C16orf96: variants seen among roughly 807,000 people sequenced by gnomAD.
C16orf96 encodes the protein uncharacterized protein C16orf96.
A neutral mutation model predicts 103.6 loss-of-function variants in C16orf96; 108 were observed. The ratio of observed to expected loss-of-function variants is 1.04; its 90% CI spans 0.89 to 1.22. The LOEUF (loss-of-function observed/expected upper bound fraction) is 1.22, where lower values mean the gene tolerates loss of function less well. Among genes scored for constraint, C16orf96 ranks in the 50% most tolerant of loss-of-function variants. The probability of loss-of-function intolerance (pLI) is 0.00; values close to 1 mark genes in which losing one functional copy is unlikely to be tolerated. For synonymous variants in C16orf96, 566 were observed against 593.5 expected (o/e 0.95, Z 0.67); for missense variants, 1,586 against 1,464.2 (o/e 1.08, Z -1.36).
Position 4,597,853 on chromosome 16 carries a change from G to A in C16orf96, c.3128-1431G>A, listed in dbSNP as rs564495313. On this transcript the variant is annotated intron_variant, in intron 14 of 15. Transcript: ENST00000444310. The stretch of plus-strand genomic sequence containing the variant: ...ATTACAGGTGTGAGCCACTGCGCCC[G>A]GCCTCATGTAACTTATTGACTACTA... 2.4e-3 allele frequency among the ~76,000 whole-genome samples: 362 copies of A among 152,138 alleles called. 3 individuals are homozygous for A. Among genetic ancestry groups the A allele is most frequent in the Non-Finnish European group, 4.4e-3 (298 of 67,992 alleles).
chr16:4,560,617 CT>C (rs2059319845), intron 1 of C16orf96: 1 of 152,032 alleles, frequency 6.6e-6, no homozygotes, highest in Admixed American at 6.6e-5. Context: ...GACCTAACTA[CT>C]ATATGAGGTT....
chr16:4,584,788 C>G lies in C16orf96; in HGVS notation c.2353-2251C>G, dbSNP rs1225444012. 3.3e-5 allele frequency among the ~76,000 whole-genome samples: 5 copies of G among 152,244 alleles called. No homozygotes were observed. In the East Asian group the frequency reaches 9.7e-4, roughly 29 times the overall value. ...ACCTCAGGTGATTTGCCTGCCTCGG[C>G]CTCCCAAAGTGCTGGGATTACAGGC... is the stretch of plus-strand genomic sequence containing the variant. On this transcript the variant is annotated intron_variant, in intron 7 of 15. Transcript: ENST00000444310.
intron 2 of C16orf96, among the ~76,000 whole-genome samples, chr16:4,574,267 G>A (rs1178663933): frequency 2.0e-5 from 3 of 152,000 alleles, no homozygotes; most frequent in African/African-American, 7.3e-5. Context: ...CTGTTGCCCA[G>A]GCTGGAGTGC....
Position 4,556,660 on chromosome 16 carries a change from G to C in C16orf96, c.171G>C (p.Gln57His), listed in dbSNP as rs1472344339. 2 of 1,551,626 alleles carry C rather than the reference G, an allele frequency of 1.3e-6. No homozygotes were observed. Among genetic ancestry groups the C allele is most frequent in the South Asian group, 2.4e-5 (2 of 84,064 alleles). Residue 57 changes from glutamine (Q) to histidine (H), a missense_variant, in exon 1 of 16, where the codon CAG (glutamine) becomes CAC (histidine). Gln to His is a conservative substitution (Grantham distance 24, BLOSUM62 0). Coordinates refer to ENST00000444310, the MANE Select transcript of C16orf96 (RefSeq NM_001145011.2). ...SGDEDFLQTS[Q>H]VVIMPREGDA... ...ATGAGGACTTCCTGCAGACCTCGCA[G>C]GTGGTCATCATGCCCAGGGAAGGAG...
In C16orf96 at chr16:4,556,377, C is replaced by A; in HGVS notation, c.-113C>A. 1 of 1,136,240 alleles carries A rather than the reference C, an allele frequency of 8.8e-7. No homozygotes were observed. The highest frequency in any genetic ancestry group is 1.7e-5 in the South Asian group (1 of 57,974). 70.4% of individuals were successfully genotyped at this position (1,136,240 alleles called of 1,614,324 possible). A position where few individuals can be genotyped will look rare whatever the true frequency, so the allele number is the denominator to read the frequency against. On this transcript the variant is annotated 5_prime_UTR_variant, in exon 1 of 16. Transcript: ENST00000444310. ...ATTCCTCCCTGACTGCTGTGACTCA[C>A]CACCACCCCAGGCCTCTGAGGACCA...
At chr16:4,545,685 A>G in the C16orf96 span, among the ~76,000 whole-genome samples, 3 of 152,130 alleles carry the variant, frequency 2.0e-5, no homozygotes, top group Non-Finnish European at 2.9e-5. Context: ...ATCCACCAAC[A>G]GCACCCACCT....
intron 1 of C16orf96, among the ~76,000 whole-genome samples, chr16:4,557,931 A>G (rs2059283701): frequency 6.6e-6 from 1 of 152,152 alleles, no homozygotes; most frequent in Admixed American, 6.6e-5. Flanking sequence ...TGGCCTCCCA[A>G]AGTGCTGGGA....
At chr16:4,562,981 C>T (rs1038465263) in intron 1 of C16orf96, 8 of 1,230,350 alleles carry the variant, frequency 6.5e-6, no homozygotes, top group East Asian at 2.4e-5. Context: ...TGAACGCCAA[C>T]GTACCTCATT....
intron 1 of C16orf96, among the ~76,000 whole-genome samples, chr16:4,567,687 G>T (rs1190263332): frequency 6.2e-4 from 70 of 113,702 alleles, no homozygotes; most frequent in Non-Finnish European, 9.9e-4. Flanking sequence ...AGTTTCTTCT[G>T]TTGCCTTTTT....
At position 4,576,249 on chromosome 16, in the gene C16orf96, A is replaced by C. The variant is rs1417257888; in HGVS notation, c.1769A>C (p.Lys590Thr). 1 of 1,550,784 alleles carries C rather than the reference A, an allele frequency of 6.4e-7. No homozygotes were observed. The highest frequency in any genetic ancestry group is 2.0e-5 in the Admixed American group (1 of 50,998). ...ACATCCTCCGCTGCCCAGGCAGCCA[A>C]AGTTGCTGCCAAGTTTGTCAAGGAT... ...AATSSAAQAA[K>T]VAAKFVKDAP... The change falls in exon 5 of 16, where the codon AAA becomes ACA. Residue 590 changes from lysine to threonine, a missense_variant. By Grantham distance (78) the Lys-to-Thr change is moderately conservative. Coordinates refer to ENST00000444310, the MANE Select transcript of C16orf96 (RefSeq NM_001145011.2).
chr16:4,580,260 A>G, intron 7 of C16orf96, 135 bp downstream of exon 7: 1 of 579,048 alleles, frequency 1.7e-6, no homozygotes, highest in East Asian at 3.7e-5. Context: ...CTTTACTGGC[A>G]TTTTACTGTG....
intron 14 of C16orf96, among the ~76,000 whole-genome samples, chr16:4,596,985 C>G (rs1218362201): frequency 6.6e-6 from 1 of 152,182 alleles, no homozygotes; most frequent in South Asian, 2.1e-4. Flanking sequence ...CCGACCTAAC[C>G]CAGGATGATC....
chr16:4,552,191 A>G (rs191906377), upstream of C16orf96, among the ~76,000 whole-genome samples: 498 of 152,138 alleles, frequency 3.3e-3, 1 homozygote, highest in Admixed American at 3.8e-3. Flanking sequence ...TTTTATATCA[A>G]TGAAAGTTGG....
the C16orf96 span, chr16:4,538,977 G>T: frequency 6.6e-6 from 1 of 152,228 alleles, no homozygotes; most frequent in Non-Finnish European, 1.5e-5. Context: ...GGAAAGAACC[G>T]TCCCTGTGAG....
chr16:4,586,431 A>G (rs992866900), intron 7 of C16orf96, among the ~76,000 whole-genome samples: 1 of 152,210 alleles, frequency 6.6e-6, no homozygotes, highest in African/African-American at 2.4e-5. Flanking sequence ...CCCGACAGGA[A>G]GAGAGAAGTA....
intron 7 of C16orf96, among the ~76,000 whole-genome samples, chr16:4,582,975 C>A (rs900238290): frequency 6.6e-6 from 1 of 152,180 alleles, no homozygotes; most frequent in Non-Finnish European, 1.5e-5. Flanking sequence ...GTGGCTCACG[C>A]CTGTAATCCC....
chr16:4,558,870 G>A (rs149913309), intron 1 of C16orf96, among the ~76,000 whole-genome samples: 20 of 142,054 alleles, frequency 1.4e-4, no homozygotes, highest in African/African-American at 3.5e-4. Flanking sequence ...AGCCGAGATC[G>A]CACCACTGCA....
intron 9 of C16orf96, 103 bp from the exon 10 acceptor site, chr16:4,591,563 T>C: frequency 1.1e-6 from 1 of 903,152 alleles, no homozygotes; most frequent in South Asian, 1.5e-5. Flanking sequence ...TTGAATTTTG[T>C]TACACCGTGT....
chr16:4,574,944 G>A, intron 3 of C16orf96, 28 bp from the exon 4 acceptor site: 1 of 1,547,574 alleles, frequency 6.5e-7, no homozygotes, highest in Non-Finnish European at 8.7e-7. Context: ...CAGGCTCACA[G>A]CCCTCATTTT....
Sources: gnomAD v4.1 joint callset for allele counts (sites outside exome capture counted in the v4.1 genomes callset) on GRCh38, gnomAD v4.1.1 for gene constraint, MANE v1.5 for transcripts, NCBI Gene and HGNC (gene_info 2026-07-23, HGNC 2026-07-21) for gene names.